RHOBTB1: variants seen among roughly 807,000 people sequenced by gnomAD.
The protein encoded by RHOBTB1 is Rho related BTB domain containing 1, also known as rho-related BTB domain-containing protein 1.
Under a neutral mutation model 71.6 loss-of-function variants are expected in RHOBTB1, and 40 were observed. The observed-to-expected ratio is 0.56, with a 90% CI of 0.43 to 0.73. The LOEUF (loss-of-function observed/expected upper bound fraction) is 0.73. Ranked by LOEUF, RHOBTB1 falls within the 30% of genes least tolerant of loss-of-function variation. The pLI, the probability that RHOBTB1 is intolerant of heterozygous loss-of-function variation, is 0.00. For synonymous variants in RHOBTB1, 319 were observed against 334.9 expected (o/e 0.95, Z 0.52); for missense variants, 797 against 894.0 (o/e 0.89, Z 1.38).
intron 2 of RHOBTB1, among the ~76,000 whole-genome samples, chr10:60,974,732 C>T (rs1280718112): frequency 2.0e-5 from 3 of 152,164 alleles, no homozygotes; most frequent in South Asian, 2.1e-4. Context: ...GTTGAAAGGA[C>T]GTCTGTCAGA....
intron 7 of RHOBTB1, among the ~76,000 whole-genome samples, chr10:60,880,202 TGAGAGAGAGAGAGAGA>T (rs71018931): frequency 4.0e-4 from 51 of 126,946 alleles, no homozygotes; most frequent in Non-Finnish European, 6.1e-4. Flanking sequence ...TGTGTGTGTG[TGAGAGAGAGAGAGAGA>T]GAGAGAGAGA....
At position 60,888,277 on chromosome 10, in the gene RHOBTB1, G is replaced by C; in HGVS notation, c.1391C>G (p.Thr464Arg). The C allele has an allele frequency of 6.2e-7, 1 of 1,613,950 alleles. No individual in the cohort carries two copies. The highest frequency in any genetic ancestry group is 8.5e-7 in the Non-Finnish European group (1 of 1,179,984). The change falls in exon 6 of 11, where the codon ACG becomes AGG. Residue 464 changes from threonine (T) to arginine (R), a missense_variant. Transcript: ENST00000337910. ...NKEAFMNQEI[T>R]KAFHVRKANR... ...GGCTTTCCTTACGTGAAAGGCTTTC[G>C]TAATCTCCTGGTTCATGAAGGCTTC...
chr10:60,970,234 C>T (rs545029196), intron 2 of RHOBTB1, among the ~76,000 whole-genome samples: 1 of 152,038 alleles, frequency 6.6e-6, no homozygotes, highest in East Asian at 1.9e-4. Flanking sequence ...AAGTCTATTC[C>T]AATTTTGCTT....
Position 60,888,482 on chromosome 10 carries a change from G to A in RHOBTB1, c.1186C>T (p.Pro396Ser), listed in dbSNP as rs139186815. The A allele has an allele frequency of 4.8e-5, 77 of 1,614,180 alleles. 1 individual carries two copies. The East Asian group carries it at 1.6e-3, about 34-fold the overall frequency. The change falls in exon 6 of 11, where the codon CCC becomes TCC. Residue 396 changes from proline to serine, a missense_variant. Physicochemically the swap from Pro to Ser is moderately conservative, Grantham distance 74. This residue lies in a region of RHOBTB1 where 658 missense variants were observed against 681.5 expected (regional missense o/e 0.97). Transcript: ENST00000337910. Reference protein sequence around the residue: ...QVNPISKRMGPMTVVRMDASV... With the variant: ...QVNPISKRMGSMTVVRMDASV... ...GCGTCCATCCTGACCACAGTCATGG[G>A]CCCCATCCGCTTTGAAATGGGGTTG... is the stretch of plus-strand genomic sequence containing the variant.
chr10:60,942,105 C>CAAACA (rs1475681528), intron 1 of RHOBTB1, among the ~76,000 whole-genome samples: 1 of 152,052 alleles, frequency 6.6e-6, no homozygotes, highest in African/African-American at 2.4e-5. Flanking sequence ...ACCAAAAAAA[C>CAAACA]AAACAAAACA....
At chr10:60,932,037 C>T (rs1054660201) in intron 2 of RHOBTB1, among the ~76,000 whole-genome samples, 1 of 152,214 alleles carries the variant, frequency 6.6e-6, no homozygotes, top group Non-Finnish European at 1.5e-5. Context: ...AAGCTTAGAT[C>T]AATATAGCAT....
In RHOBTB1 at chr10:60,929,878, C is replaced by T. The variant is rs546727634; in HGVS notation, c.-11+11926G>A. ...TACTAAGGCTAAATTAATAAATATC[C>T]CACATTTTTTAAACCTACAAAAAGA... On this transcript the variant is annotated intron_variant, in intron 2 of 10. Transcript: ENST00000337910. Among the ~76,000 whole-genome samples, 15 of 152,100 alleles carry T rather than the reference C, an allele frequency of 9.9e-5. 1 individual carries two copies. The South Asian group carries it at 2.7e-3, about 27-fold the overall frequency.
At chr10:60,962,214 G>A (rs2085806684) in intron 2 of RHOBTB1, among the ~76,000 whole-genome samples, 1 of 152,042 alleles carries the variant, frequency 6.6e-6, no homozygotes, top group Non-Finnish European at 1.5e-5. Context: ...GCATTATAAA[G>A]TTTATATGCA....
intron 2 of RHOBTB1, among the ~76,000 whole-genome samples, chr10:60,954,776 G>A: frequency 6.6e-6 from 1 of 152,216 alleles, no homozygotes; most frequent in East Asian, 1.9e-4. Flanking sequence ...AGTTGGTCAA[G>A]TAACATTTCC....
rs2080740808 is a variant in RHOBTB1, at chr10:60,870,751, A to T, written c.*731T>A. ...TGGGATTTAATAAGCCCTTCTAATG[A>T]TTATAAAGATTGTCCTCTTGAAACT... On this transcript the variant is annotated 3_prime_UTR_variant, in exon 11 of 11. Transcript: ENST00000337910. 6.6e-6 allele frequency: 1 copy of T among 152,636 alleles called. No individual in the cohort carries two copies. The highest frequency in any genetic ancestry group is 1.5e-5 in the Non-Finnish European group (1 of 68,036). The allele number at this position is 152,636 out of a possible 1,614,324, so 9.5% of individuals were successfully genotyped here.
intron 1 of RHOBTB1, among the ~76,000 whole-genome samples, chr10:60,992,807 GA>G (rs941023524): frequency 1.3e-5 from 2 of 152,000 alleles, no homozygotes; most frequent in South Asian, 2.1e-4. Context: ...ACACAAAGGG[GA>G]AAAAAACACA....
At position 60,892,825 on chromosome 10, in the gene RHOBTB1, C is replaced by T; in HGVS notation, c.467G>A (p.Arg156Lys). 6.2e-7 allele frequency: 1 copy of T among 1,612,960 alleles called. No individual in the cohort carries two copies. Among genetic ancestry groups the T allele is most frequent in the Non-Finnish European group, 8.5e-7 (1 of 1,179,644 alleles). The change falls in exon 5 of 11, where the codon AGG becomes AAG. Residue 156 changes from arginine (R) to lysine (K), a missense_variant. Arg to Lys is a conservative substitution (Grantham distance 26). Around this residue, in one of 2 missense-constraint regions of RHOBTB1, gnomAD observed 139 missense variants for 212.5 expected, o/e 0.65. Transcript: ENST00000337910. ...CTTGGCTTACCTTGCTAACGGGCGC[C>T]TGGCTCGATTAACAGCTTCCAGGTC... ...YADLEAVNRARRPLARPIKRG... is the reference protein window; with the variant it reads ...YADLEAVNRAKRPLARPIKRG...
intron 7 of RHOBTB1, among the ~76,000 whole-genome samples, chr10:60,884,272 C>CTAGTT (rs2081463922): frequency 1.3e-5 from 2 of 152,166 alleles, no homozygotes; most frequent in African/African-American, 2.4e-5. Context: ...ATTTCTTGTG[C>CTAGTT]TAGTGCCTCA....
chr10:60,956,728 A>G (rs2085607377), intron 2 of RHOBTB1, among the ~76,000 whole-genome samples: 1 of 151,682 alleles, frequency 6.6e-6, no homozygotes, highest in Non-Finnish European at 1.5e-5. Context: ...CAGGGTCAGG[A>G]TCATCAATAT....
At chr10:60,986,346 T>C (rs940956098) in intron 1 of RHOBTB1, among the ~76,000 whole-genome samples, 4 of 150,124 alleles carry the variant, frequency 2.7e-5, no homozygotes, top group Non-Finnish European at 5.9e-5. Flanking sequence ...GCCATGACTT[T>C]CTTTTTACCT....
intron 1 of RHOBTB1, among the ~76,000 whole-genome samples, chr10:61,000,423 A>G (rs888968285): frequency 3.3e-5 from 5 of 152,206 alleles, no homozygotes; most frequent in Non-Finnish European, 7.3e-5. Flanking sequence ...CACCAAGAGC[A>G]AGATGATGCG....
intron 1 of RHOBTB1, among the ~76,000 whole-genome samples, chr10:60,988,340 A>C (rs138930761): frequency 6.6e-6 from 1 of 152,198 alleles, no homozygotes; most frequent in African/African-American, 2.4e-5. Context: ...TTCAAGGGAT[A>C]CATGTGCAGG....
rs779558389 is a variant in RHOBTB1 at position 60,888,312 on chromosome 10, G to T, written c.1356C>A (p.Ile452=). The T allele has an allele frequency of 8.7e-6, 14 of 1,614,098 alleles. No homozygotes were observed. The East Asian group carries it at 2.5e-4, about 28-fold the overall frequency. ...GGTTCATGAAGGCTTCCTTGTTCATGATGTTTTCCACCATCATCCTCAAAT... is the reference window on the plus strand; with the variant it reads ...GGTTCATGAAGGCTTCCTTGTTCATTATGTTTTCCACCATCATCCTCAAAT... The part of the protein sequence containing the change: ...MFDLRMMVEN[I]MNKEAFMNQE... The change falls in exon 6 of 11, where the codon ATC becomes ATA. Residue 452 remains isoleucine (I), a synonymous_variant. Transcript: ENST00000337910.
chr10:60,981,613 T>C (rs1261970465), intron 2 of RHOBTB1, among the ~76,000 whole-genome samples: 2 of 152,166 alleles, frequency 1.3e-5, no homozygotes, highest in African/African-American at 4.8e-5. Context: ...ATGTATCACA[T>C]AACCAATTAA....
Sources: gnomAD v4.1 joint callset for allele counts (sites outside exome capture counted in the v4.1 genomes callset) on GRCh38, gnomAD v4.1.1 for gene constraint, gnomAD v4.1.1 regional missense constraint, MANE v1.5 for transcripts, NCBI Gene and HGNC (gene_info 2026-07-23, HGNC 2026-07-21) for gene names.